HMCN1: variants seen among roughly 807,000 people sequenced by gnomAD.
HMCN1 encodes the protein hemicentin 1, also known as hemicentin-1.
A neutral mutation model predicts 625.9 loss-of-function variants in HMCN1; 321 were observed. The observed-to-expected ratio is 0.51, with a 90% CI of 0.47 to 0.56. The LOEUF is 0.56. Ranked by LOEUF, HMCN1 falls within the 20% of genes least tolerant of loss-of-function variation. HMCN1 has a pLI of 0.00. For synonymous variants in HMCN1, 2,425 were observed against 2,417.6 expected, an observed-to-expected ratio of 1.00 and a Z score of -0.09; for missense variants, 6,588 against 6,887.3, an observed-to-expected ratio of 0.96 and a Z score of 1.54.
intron 11 of HMCN1, among the ~76,000 whole-genome samples, chr1:185,938,627 G>A (rs377060251): frequency 9.9e-5 from 15 of 151,932 alleles, no homozygotes; most frequent in African/African-American, 1.7e-4. Context: ...CCAAGACCAC[G>A]AACACTTAAA....
In HMCN1 at chr1:185,734,711, C is replaced by G; in HGVS notation, c.-69C>G. ...GTTACTCTGAGAGGAAACCCTCTGC[C>G]TGTTGTTGAGGAGGACTGAGCACAG... is the stretch of plus-strand genomic sequence containing the variant. On this transcript the variant is annotated 5_prime_UTR_variant, in exon 1 of 107. Coordinates refer to ENST00000271588, the MANE Select transcript of HMCN1 (RefSeq NM_031935.3). 1 of 1,467,738 alleles carries G rather than the reference C, an allele frequency of 6.8e-7. No individual in the cohort carries two copies. Among genetic ancestry groups the G allele is most frequent in the Non-Finnish European group, 9.5e-7 (1 of 1,050,524 alleles). The allele number at this position is 1,467,738 out of a possible 1,614,324, so 90.9% of individuals were successfully genotyped here.
At chr1:186,161,819 G>A (rs1204851753) in intron 97 of HMCN1, among the ~76,000 whole-genome samples, 1 of 152,170 alleles carries the variant, frequency 6.6e-6, no homozygotes, top group Non-Finnish European at 1.5e-5. Context: ...TCCCTTTGTG[G>A]GTAACCCAAC....
intron 50 of HMCN1, among the ~76,000 whole-genome samples, chr1:186,068,596 G>A (rs1312989222): frequency 2.6e-5 from 4 of 152,146 alleles, no homozygotes; most frequent in South Asian, 2.1e-4. Flanking sequence ...AGCTGGGTGC[G>A]GTGGCTCACG....
chr1:185,823,387 G>A (rs1660316405), intron 1 of HMCN1, among the ~76,000 whole-genome samples: 1 of 152,160 alleles, frequency 6.6e-6, no homozygotes, highest in African/African-American at 2.4e-5. Flanking sequence ...CTGTGAAAGT[G>A]TAGGCAACAT....
chr1:185,985,230 A>G (rs1400970674), intron 19 of HMCN1, among the ~76,000 whole-genome samples: 2 of 152,226 alleles, frequency 1.3e-5, no homozygotes, highest in Non-Finnish European at 2.9e-5. Context: ...TTGGAGAAAT[A>G]TTATTTTGAA....
chr1:185,874,956 A>G (rs191544572), intron 4 of HMCN1, among the ~76,000 whole-genome samples: 1 of 151,996 alleles, frequency 6.6e-6, no homozygotes. Flanking sequence ...TTCAAATAAT[A>G]TTTATGAAAT....
chr1:185,801,647 G>A (rs1658802571), intron 1 of HMCN1, among the ~76,000 whole-genome samples: 1 of 152,198 alleles, frequency 6.6e-6, no homozygotes, highest in South Asian at 2.1e-4. Context: ...CCTAAGGGGA[G>A]TGAAGACTGA....
At chr1:185,964,719 G>C in intron 13 of HMCN1, among the ~76,000 whole-genome samples, 1 of 152,058 alleles carries the variant, frequency 6.6e-6, no homozygotes, top group East Asian at 1.9e-4. Flanking sequence ...CAGAGGGGAA[G>C]ACTAATTCAG....
chr1:186,097,041 A>G (rs1660169267), intron 68 of HMCN1, among the ~76,000 whole-genome samples: 1 of 152,126 alleles, frequency 6.6e-6, no homozygotes, highest in Non-Finnish European at 1.5e-5. Context: ...TCCTAGCTAG[A>G]GCAACAGGCA....
chr1:186,119,425 A>G, intron 78 of HMCN1, 127 bp downstream of exon 78: 1 of 798,112 alleles, frequency 1.3e-6, no homozygotes, highest in Non-Finnish European at 2.2e-6. Context: ...GGGATATGAA[A>G]GCCTGGTAGA....
chr1:186,095,823 A>G (rs1414055288), intron 68 of HMCN1, among the ~76,000 whole-genome samples: 1 of 152,164 alleles, frequency 6.6e-6, no homozygotes, highest in Non-Finnish European at 1.5e-5. Context: ...AATTGAAAAC[A>G]CATCCGATTA....
intron 1 of HMCN1, among the ~76,000 whole-genome samples, chr1:185,769,476 A>G (rs1656085257): frequency 6.6e-6 from 1 of 152,056 alleles, no homozygotes; most frequent in African/African-American, 2.4e-5. Flanking sequence ...GTTATAATAT[A>G]TGTTTGGATA....
intron 42 of HMCN1, among the ~76,000 whole-genome samples, chr1:186,050,830 TAGTG>T (rs1656903664): frequency 6.6e-6 from 1 of 152,084 alleles, no homozygotes; most frequent in East Asian, 1.9e-4. Context: ...ATAGAGCAAT[TAGTG>T]AGAAAGACAA....
At chr1:185,744,253 C>G (rs1251975934) in intron 1 of HMCN1, among the ~76,000 whole-genome samples, 2 of 152,004 alleles carry the variant, frequency 1.3e-5, no homozygotes, top group African/African-American at 2.4e-5. Flanking sequence ...GTTGGCCTCC[C>G]AAAGTGCGGG....
At chr1:185,950,937 A>G (rs1339372670) in intron 11 of HMCN1, among the ~76,000 whole-genome samples, 202 of 132,578 alleles carry the variant, frequency 1.5e-3, no homozygotes, top group Admixed American at 2.9e-3. Flanking sequence ...GACAGGTAAA[A>G]TGGGGGAATT....
intron 68 of HMCN1, among the ~76,000 whole-genome samples, chr1:186,097,182 A>C (rs921549873): frequency 6.6e-6 from 1 of 152,204 alleles, no homozygotes; most frequent in South Asian, 2.1e-4. Flanking sequence ...CAAATTCAGT[A>C]AAGTTGTGAC....
chr1:185,826,998 A>G (rs529212939), intron 1 of HMCN1, among the ~76,000 whole-genome samples: 1 of 151,930 alleles, frequency 6.6e-6, no homozygotes, highest in South Asian at 2.1e-4. Context: ...GACACAGTGA[A>G]ACCTTGTCTC....
chr1:185,925,294 A>G (rs1667223011), intron 9 of HMCN1, 103 bp downstream of exon 9: 16 of 1,172,052 alleles, frequency 1.4e-5, no homozygotes, highest in East Asian at 2.4e-5. Context: ...CTCACTTGCT[A>G]CATAGTCTGG....
chr1:185,846,647 T>TA (rs1207004627), intron 2 of HMCN1, among the ~76,000 whole-genome samples: 2 of 152,170 alleles, frequency 1.3e-5, no homozygotes, highest in African/African-American at 2.4e-5. Context: ...TTTATTCATT[T>TA]AAAAAATTGG....
Sources: gnomAD v4.1 joint callset for allele counts (sites outside exome capture counted in the v4.1 genomes callset) on GRCh38, gnomAD v4.1.1 for gene constraint, MANE v1.5 for transcripts, NCBI Gene and HGNC (gene_info 2026-07-23, HGNC 2026-07-21) for gene names.